TIAM2: variants seen among roughly 807,000 people sequenced by gnomAD.
The protein encoded by TIAM2 is rho guanine nucleotide exchange factor TIAM2.
TIAM2 carries 80 observed loss-of-function variants against 152.9 expected under a neutral mutation model. The ratio of observed to expected loss-of-function variants is 0.52; its 90% CI spans 0.44 to 0.63. TIAM2 has a LOEUF of 0.63. Among genes scored for constraint, TIAM2 ranks in the 30% least tolerant of loss-of-function variants. TIAM2 has a pLI of 0.00. For synonymous variants in TIAM2, 804 were observed against 838.0 expected, an observed-to-expected ratio of 0.96 and a Z score of 0.70; for missense variants, 1,965 against 2,120.1, an observed-to-expected ratio of 0.93 and a Z score of 1.44.
At chr6:155,183,629 C>G in intron 14 of TIAM2, 129 bp downstream of exon 14, 1 of 1,079,388 alleles carries the variant, frequency 9.3e-7, no homozygotes, top group Non-Finnish European at 1.3e-6. Context: ...ATTAGAAGAA[C>G]ACAGATGCCA....
intron 2 of TIAM2, among the ~76,000 whole-genome samples, chr6:155,099,606 C>T (rs1199441445): frequency 2.0e-5 from 3 of 152,046 alleles, no homozygotes; most frequent in African/African-American, 4.8e-5. Flanking sequence ...ACTTTGAGGC[C>T]CAGTAACATT....
chr6:155,158,087 C>T (rs1780169991), intron 7 of TIAM2, among the ~76,000 whole-genome samples: 1 of 152,122 alleles, frequency 6.6e-6, no homozygotes. Flanking sequence ...AGTTTTTCAG[C>T]TTCTTACACC....
rs139039219 is a variant in TIAM2, at chr6:155,183,353, C to T, written c.2917C>T (p.Arg973Trp). Residue 973 changes from arginine (R) to tryptophan (W), a missense_variant, in exon 14 of 27, where the codon CGG (arginine) becomes TGG (tryptophan). By Grantham distance (101) the Arg-to-Trp change is moderately radical. This residue lies in a region of TIAM2 where 935 missense variants were observed against 980.0 expected (regional missense o/e 0.95). Transcript: ENST00000682666. ...EKSVGLTLIARPPDTKATLCT... is the reference protein window; with the variant it reads ...EKSVGLTLIAWPPDTKATLCT... Reference sequence around the variant, plus strand: ...GAGCGTCGGACTCACTCTGATTGCCCGGCCTCCGGACACAAAAGCAACCCT... The same window carrying T: ...GAGCGTCGGACTCACTCTGATTGCCTGGCCTCCGGACACAAAAGCAACCCT... 3,495 of 1,613,198 alleles carry T rather than the reference C, an allele frequency of 2.2e-3. 5 individuals are homozygous for T. Among genetic ancestry groups the T allele is most frequent in the Non-Finnish European group, 2.7e-3 (3,229 of 1,179,656 alleles).
chr6:154,997,683 C>T (rs889541807), intron 1 of TIAM2, among the ~76,000 whole-genome samples: 3 of 125,528 alleles, frequency 2.4e-5, no homozygotes, highest in Non-Finnish European at 4.7e-5. Flanking sequence ...CTTTGTTGAC[C>T]AGGCTGGAGT....
intron 15 of TIAM2, among the ~76,000 whole-genome samples, chr6:155,238,863 T>C (rs1276051214): frequency 7.2e-5 from 11 of 152,336 alleles, no homozygotes; most frequent in African/African-American, 1.9e-4. Flanking sequence ...AGGCCCTCAA[T>C]TGATGACCAC....
intron 1 of TIAM2, among the ~76,000 whole-genome samples, chr6:155,040,566 T>C: frequency 6.6e-6 from 1 of 152,182 alleles, no homozygotes; most frequent in East Asian, 1.9e-4. Context: ...TCTCCTAGGC[T>C]GGAGTGCAGT....
intron 2 of TIAM2, among the ~76,000 whole-genome samples, chr6:155,091,282 G>GATACA (rs1778298963): frequency 6.6e-6 from 1 of 152,110 alleles, no homozygotes; most frequent in Admixed American, 6.6e-5. Flanking sequence ...GCATATTTAT[G>GATACA]TATCGGCTTG....
chr6:155,091,880 T>A (rs1280988044), intron 2 of TIAM2, among the ~76,000 whole-genome samples: 1 of 152,176 alleles, frequency 6.6e-6, no homozygotes, highest in Non-Finnish European at 1.5e-5. Flanking sequence ...ATTTTCTTGC[T>A]AGTGACCTGG....
intron 3 of TIAM2, 40 bp downstream of exon 3, chr6:155,127,640 C>T (rs1264377509): frequency 6.6e-6 from 3 of 455,496 alleles, no homozygotes; most frequent in South Asian, 4.7e-5. Context: ...CGTCAAGTTG[C>T]ATGACTGTGA....
intron 1 of TIAM2, among the ~76,000 whole-genome samples, chr6:155,011,248 T>C (rs527838492): frequency 3.3e-5 from 5 of 152,236 alleles, no homozygotes; most frequent in Non-Finnish European, 7.4e-5. Flanking sequence ...GAGGGGTAGT[T>C]ATGGAATTGA....
At chr6:155,235,323 G>A (rs949763476) in intron 15 of TIAM2, among the ~76,000 whole-genome samples, 1 of 152,236 alleles carries the variant, frequency 6.6e-6, no homozygotes, top group Admixed American at 6.5e-5. Flanking sequence ...GGACACTGAA[G>A]ACTTAGAATC....
At chr6:155,085,407 A>G (rs916555649) in intron 1 of TIAM2, among the ~76,000 whole-genome samples, 2 of 152,140 alleles carry the variant, frequency 1.3e-5, no homozygotes, top group African/African-American at 4.8e-5. Flanking sequence ...TTTCTCATTG[A>G]CCTGCATTGA....
chr6:155,194,425 G>A (rs1416764728), intron 14 of TIAM2, among the ~76,000 whole-genome samples: 1 of 152,170 alleles, frequency 6.6e-6, no homozygotes, highest in South Asian at 2.1e-4. Context: ...GTGCCAGCCA[G>A]GGAAGGGCAT....
At chr6:155,126,059 G>A (rs1779287724) in intron 2 of TIAM2, among the ~76,000 whole-genome samples, 2 of 152,128 alleles carry the variant, frequency 1.3e-5, no homozygotes, top group South Asian at 4.2e-4. Context: ...TAGCCAAGAG[G>A]TGGAAGCAAC....
chr6:155,105,106 A>C (rs962034721), intron 2 of TIAM2, among the ~76,000 whole-genome samples: 1 of 151,874 alleles, frequency 6.6e-6, no homozygotes, highest in South Asian at 2.1e-4. Flanking sequence ...ACTGGCATGC[A>C]CTACCACACC....
At chr6:155,208,910 G>C (rs1291087494) in intron 14 of TIAM2, among the ~76,000 whole-genome samples, 2 of 151,982 alleles carry the variant, frequency 1.3e-5, no homozygotes, top group African/African-American at 4.8e-5. Flanking sequence ...TTCCCTGATG[G>C]TGCCCGGCTC....
intron 15 of TIAM2, among the ~76,000 whole-genome samples, chr6:155,219,917 G>A (rs927190003): frequency 3.9e-5 from 6 of 152,232 alleles, no homozygotes; most frequent in African/African-American, 1.2e-4. Context: ...AAAAGACAGC[G>A]TTCCAAGCAA....
intron 7 of TIAM2, among the ~76,000 whole-genome samples, chr6:155,161,582 T>TG (rs1780271470): frequency 6.6e-6 from 1 of 151,314 alleles, no homozygotes; most frequent in African/African-American, 2.4e-5. Flanking sequence ...TTTTTTTTTT[T>TG]TCTGAGATGG....
chr6:155,243,927 C>T, intron 16 of TIAM2, 84 bp from the exon 17 acceptor site: 1 of 932,834 alleles, frequency 1.1e-6, no homozygotes, highest in Non-Finnish European at 1.7e-6. Context: ...GCCTTGGGAG[C>T]TGCTGCCAGG....
Sources: allele counts gnomAD v4.1 joint callset (sites outside exome capture counted in the v4.1 genomes callset), GRCh38; gene constraint gnomAD v4.1.1; regional missense constraint gnomAD v4.1.1; transcripts MANE v1.5; gene names NCBI Gene and HGNC (gene_info 2026-07-23, HGNC 2026-07-21).